NPSR1: variants seen among roughly 807,000 people sequenced by gnomAD.
The protein encoded by NPSR1 is neuropeptide S receptor 1.
In NPSR1, 48 loss-of-function variants were observed where a neutral mutation model predicts 46.9. The observed-to-expected ratio is 1.02, with a 90% CI of 0.81 to 1.30. NPSR1 has a LOEUF of 1.30. NPSR1 is among the 50% of genes most tolerant of loss of function. The pLI is 0.00. For missense variants in NPSR1, 450 were observed against 449.5 expected, an observed-to-expected ratio of 1.00 and a Z score of -0.01; for synonymous variants, 176 against 168.1, an observed-to-expected ratio of 1.05 and a Z score of -0.36.
At chr7:34,793,787 C>T (rs564945320) in intron 3 of NPSR1, among the ~76,000 whole-genome samples, 2 of 152,246 alleles carry the variant, frequency 1.3e-5, no homozygotes, top group Admixed American at 1.3e-4. Context: ...TATTACAGCA[C>T]TATTCATAAT....
chr7:34,779,578 G>A, intron 3 of NPSR1: 1 of 1,272,840 alleles, frequency 7.9e-7, no homozygotes, highest in Non-Finnish European at 1.0e-6. Flanking sequence ...TTCAGAAAAT[G>A]AATATGGAAT....
At chr7:34,813,987 T>A (rs981147675) in intron 4 of NPSR1, among the ~76,000 whole-genome samples, 3 of 152,222 alleles carry the variant, frequency 2.0e-5, no homozygotes, top group Admixed American at 2.0e-4. Flanking sequence ...GCTCCCAGCA[T>A]GATCGATGCA....
At chr7:34,665,208 G>A (rs533809647) in intron 1 of NPSR1, among the ~76,000 whole-genome samples, 80 of 152,280 alleles carry the variant, frequency 5.3e-4, no homozygotes, top group African/African-American at 1.8e-3. Context: ...CTAAATCTCC[G>A]TGATTTAACA....
chr7:34,661,250 C>T (rs900621646), intron 1 of NPSR1, among the ~76,000 whole-genome samples: 23 of 152,294 alleles, frequency 1.5e-4, no homozygotes, highest in African/African-American at 5.1e-4. Context: ...TTTCTGCAAG[C>T]ATGTTCAGCT....
chr7:34,734,269 T>C (rs1488025359), intron 2 of NPSR1, among the ~76,000 whole-genome samples: 1 of 152,190 alleles, frequency 6.6e-6, no homozygotes, highest in Non-Finnish European at 1.5e-5. Flanking sequence ...GACATCTGGG[T>C]ATCAATTTTT....
Position 34,778,457 on chromosome 7 carries a change from G to A in NPSR1, c.281-5G>A. Reference sequence around the variant, plus strand: ...TGAATGTAAGCACTTGTACGTTTTTGTTAGATTCTTTCACAGGACTGGTCA... The same window carrying A: ...TGAATGTAAGCACTTGTACGTTTTTATTAGATTCTTTCACAGGACTGGTCA... On this transcript the variant is annotated splice_region_variant and splice_polypyrimidine_tract_variant and intron_variant, in intron 2 of 8. Coordinates refer to ENST00000360581, the MANE Select transcript of NPSR1 (RefSeq NM_207172.2). 1.3e-6 allele frequency: 2 copies of A among 1,556,194 alleles called. No individual in the cohort carries two copies. Among genetic ancestry groups the A allele is most frequent in the Non-Finnish European group, 8.8e-7 (1 of 1,131,674 alleles).
chr7:34,860,816 G>A (rs1791174276), intron 8 of NPSR1, among the ~76,000 whole-genome samples: 1 of 151,778 alleles, frequency 6.6e-6, no homozygotes, highest in Non-Finnish European at 1.5e-5. Context: ...CAGACCCCCA[G>A]GATTCTCAGA....
At chr7:34,751,743 C>T (rs1785547226) in intron 2 of NPSR1, 3 of 1,586,406 alleles carry the variant, frequency 1.9e-6, no homozygotes, top group Non-Finnish European at 2.6e-6. Context: ...GACTGGTTCT[C>T]TTCTCTTCTA....
intron 2 of NPSR1, among the ~76,000 whole-genome samples, chr7:34,709,597 G>C (rs945184515): frequency 9.9e-5 from 15 of 152,054 alleles, no homozygotes; most frequent in Non-Finnish European, 1.8e-4. Flanking sequence ...CCTTTACTCT[G>C]CTTCACTTTT....
chr7:34,679,601 G>A (rs944387343), intron 1 of NPSR1, among the ~76,000 whole-genome samples: 1 of 151,986 alleles, frequency 6.6e-6, no homozygotes, highest in African/African-American at 2.4e-5. Context: ...TAATGTTGAA[G>A]GAAATGATGT....
Position 34,803,536 on chromosome 7 carries a change from G to A in NPSR1, c.385-8234G>A, listed in dbSNP as rs189700216. On this transcript the variant is annotated intron_variant, in intron 3 of 8. Coordinates refer to ENST00000360581, the MANE Select transcript of NPSR1 (RefSeq NM_207172.2). ...GGACAATGAGAACACATGGACACAGGAAGGGGAACATCACACTCTGGGGAC... is the reference window on the plus strand; with the variant it reads ...GGACAATGAGAACACATGGACACAGAAAGGGGAACATCACACTCTGGGGAC... Among the ~76,000 whole-genome samples the A allele has an allele frequency of 2.1e-3, 320 of 151,742 alleles. 1 individual carries two copies. Among genetic ancestry groups the A allele is most frequent in the African/African-American group, 7.4e-3 (308 of 41,376 alleles).
At chr7:34,777,261 G>C (rs75398218) in intron 2 of NPSR1, among the ~76,000 whole-genome samples, 2 of 152,136 alleles carry the variant, frequency 1.3e-5, no homozygotes, top group African/African-American at 4.8e-5. Flanking sequence ...TGACCACCAG[G>C]ATTGGTGATT....
intron 1 of NPSR1, among the ~76,000 whole-genome samples, chr7:34,664,841 G>A (rs915414871): frequency 7.9e-5 from 12 of 152,004 alleles, no homozygotes; most frequent in Admixed American, 7.9e-4. Context: ...GGCCACAGAT[G>A]GCAAAATCAC....
intron 4 of NPSR1, among the ~76,000 whole-genome samples, chr7:34,826,900 A>AAAG (rs1554336624): frequency 6.6e-6 from 1 of 151,876 alleles, no homozygotes; most frequent in Admixed American, 6.6e-5. Context: ...AAAAAAAAAA[A>AAAG]AAGAAAGAAG....
chr7:34,673,561 C>T (rs1420826752), intron 1 of NPSR1, among the ~76,000 whole-genome samples: 1 of 152,130 alleles, frequency 6.6e-6, no homozygotes, highest in East Asian at 1.9e-4. Flanking sequence ...CTCTCCAATT[C>T]AACAGGCCTA....
chr7:34,790,997 ATATGT>A (rs1434198363), intron 3 of NPSR1, among the ~76,000 whole-genome samples: 245 of 116,942 alleles, frequency 2.1e-3, no homozygotes, highest in African/African-American at 7.7e-3. Flanking sequence ...TATATATGTT[ATATGT>A]TATATGTTAT....
rs756357279 is a variant in NPSR1 at position 34,751,733 on chromosome 7, G to A, written c.281-26729G>A. 3.3e-5 allele frequency: 53 copies of A among 1,584,840 alleles called. 2 individuals carry two copies. The Middle Eastern group carries it at 2.0e-3, about 60-fold the overall frequency. On this transcript the variant is annotated intron_variant, in intron 2 of 8. Coordinates refer to ENST00000360581, the MANE Select transcript of NPSR1 (RefSeq NM_207172.2). ...GTGGGAGACTCCTTCGGGTCCCCCT[G>A]ACTGGTTCTCTTCTCTTCTAGCTTC...
intron 2 of NPSR1, among the ~76,000 whole-genome samples, chr7:34,734,605 T>A (rs1227333987): frequency 1.3e-5 from 2 of 152,238 alleles, no homozygotes; most frequent in African/African-American, 2.4e-5. Flanking sequence ...AAATAATCTT[T>A]TCTTTGGTTG....
Position 34,830,812 on chromosome 7 carries a change from G to GT in NPSR1, c.680+3218dup, listed in dbSNP as rs200673323. Among the ~76,000 whole-genome samples the GT allele has an allele frequency of 1.2e-4, 18 of 151,884 alleles. No individual in the cohort carries two copies. In the East Asian group the frequency reaches 1.9e-3, roughly 16 times the overall value. On this transcript the variant is annotated intron_variant, in intron 5 of 8. Transcript: ENST00000360581. ...GTATCTGCTAGGACAAGATCTACTT[G>GT]TTTTTTTTCAAAGATTCCCTGGCTG...
Sources: gnomAD v4.1 joint callset for allele counts (sites outside exome capture counted in the v4.1 genomes callset) on GRCh38, gnomAD v4.1.1 for gene constraint, MANE v1.5 for transcripts, NCBI Gene and HGNC (gene_info 2026-07-23, HGNC 2026-07-21) for gene names.